Variants in DIAPH2 observed in about 807,000 individuals in gnomAD.
DIAPH2 encodes diaphanous related formin 2.
In DIAPH2, 35 loss-of-function variants were observed where a neutral mutation model predicts 92.7. The ratio of observed to expected loss-of-function variants is 0.38; its 90% CI spans 0.29 to 0.50. DIAPH2 has a LOEUF of 0.50. Ranked by LOEUF, DIAPH2 falls within the 20% of genes least tolerant of loss-of-function variation. The probability of loss-of-function intolerance (pLI) is 0.94; values close to 1 mark genes in which losing one functional copy is unlikely to be tolerated. For synonymous variants in DIAPH2, 301 were observed against 280.4 expected, an observed-to-expected ratio of 1.07 and a Z score of -0.73; for missense variants, 701 against 819.5, an observed-to-expected ratio of 0.86 and a Z score of 1.77.
intron 4 of DIAPH2, among the ~76,000 whole-genome samples, chrX:96,840,604 G>A (rs756013300): frequency 9.1e-6 from 1 of 110,147 alleles, no homozygotes; most frequent in African/African-American, 3.3e-5. Context: ...TTCATTTTGG[G>A]ATTTTTTTTT....
intron 19 of DIAPH2, among the ~76,000 whole-genome samples, chrX:97,082,129 C>A (rs931576616): frequency 9.2e-5 from 10 of 108,390 alleles, no homozygotes; most frequent in Non-Finnish European, 1.5e-4. Flanking sequence ...AAAAATTGAG[C>A]CTATTTACAT....
At chrX:96,933,580 A>G (rs1183704376) in intron 10 of DIAPH2, among the ~76,000 whole-genome samples, 1 of 103,717 alleles carries the variant, frequency 9.6e-6, no homozygotes, top group East Asian at 2.9e-4. Flanking sequence ...ATATATTTAT[A>G]TATTTTATAT....
intron 26 of DIAPH2, among the ~76,000 whole-genome samples, chrX:97,543,317 G>T (rs141556555): frequency 7.9e-4 from 88 of 111,716 alleles, no homozygotes; most frequent in African/African-American, 2.8e-3. Context: ...ATCATTACTT[G>T]TACTGCATTC....
At chrX:97,319,877 A>T (rs1431745188) in intron 23 of DIAPH2, among the ~76,000 whole-genome samples, 1 of 107,497 alleles carries the variant, frequency 9.3e-6, no homozygotes, top group South Asian at 4.3e-4. Context: ...AGGCAGGTGG[A>T]TCCCCTGAGG....
At chrX:97,470,315 C>T (rs1363716342) in intron 26 of DIAPH2, among the ~76,000 whole-genome samples, 1 of 111,238 alleles carries the variant, frequency 9.0e-6, no homozygotes, top group African/African-American at 3.3e-5. Flanking sequence ...CAGAAATACC[C>T]TGAGTGTTTT....
intron 24 of DIAPH2, among the ~76,000 whole-genome samples, chrX:97,381,628 T>C (rs2069550970): frequency 9.0e-6 from 1 of 111,697 alleles, no homozygotes; most frequent in Non-Finnish European, 1.9e-5. Flanking sequence ...GGCATCATAG[T>C]AGTGAAAATG....
chrX:97,157,332 AAT>A (rs1237656940), intron 22 of DIAPH2, among the ~76,000 whole-genome samples: 9,436 of 72,131 alleles, frequency 0.13, 710 homozygotes, highest in African/African-American at 0.25. Context: ...TAATAATAAT[AAT>A]ATAATAATAA....
intron 3 of DIAPH2, among the ~76,000 whole-genome samples, chrX:96,752,935 A>G (rs977669508): frequency 1.8e-5 from 2 of 111,824 alleles, no homozygotes; most frequent in Non-Finnish European, 3.8e-5. Context: ...TCTGAGGTGT[A>G]TAATCTTACA....
At chrX:96,960,236 A>G (rs945454786) in intron 16 of DIAPH2, among the ~76,000 whole-genome samples, 1 of 111,568 alleles carries the variant, frequency 9.0e-6, no homozygotes, top group African/African-American at 3.2e-5. Flanking sequence ...CCTTTATTCT[A>G]TGAGCATTGT....
chrX:97,485,633 T>A (rs917086102), intron 26 of DIAPH2, among the ~76,000 whole-genome samples: 4 of 113,131 alleles, frequency 3.5e-5, no homozygotes, highest in African/African-American at 1.3e-4. Context: ...ACTGCATTGA[T>A]GCATTTTTAC....
intron 4 of DIAPH2, among the ~76,000 whole-genome samples, chrX:96,763,912 A>T (rs1453322838): frequency 9.2e-6 from 1 of 109,240 alleles, no homozygotes; most frequent in Non-Finnish European, 1.9e-5. Flanking sequence ...AGAATAGTGG[A>T]TTTATTTGTT....
intron 10 of DIAPH2, among the ~76,000 whole-genome samples, chrX:96,933,574 ATT>A: frequency 9.8e-6 from 1 of 102,539 alleles, no homozygotes; most frequent in Non-Finnish European, 2.0e-5. Flanking sequence ...ATATATATAT[ATT>A]TATATATTTT....
At chrX:97,233,600 T>C (rs2068024975) in intron 22 of DIAPH2, among the ~76,000 whole-genome samples, 1 of 111,698 alleles carries the variant, frequency 9.0e-6, no homozygotes, top group Non-Finnish European at 1.9e-5. Context: ...AAAAGGAAGC[T>C]ATAAGATGGG....
intron 21 of DIAPH2, among the ~76,000 whole-genome samples, chrX:97,133,621 G>A (rs1172572377): frequency 8.9e-6 from 1 of 112,025 alleles, no homozygotes; most frequent in Non-Finnish European, 1.9e-5. Flanking sequence ...CTGCAACTGA[G>A]GTCAGGATTG....
Position 97,534,108 on chromosome X carries a change from A to AAAAAG in DIAPH2, c.3242-65142_3242-65141insAGAAA, listed in dbSNP as rs58788573. Among the ~76,000 whole-genome samples the AAAAAG allele has an allele frequency of 4.3e-4, 47 of 109,178 alleles. 1 individual carries two copies. Among genetic ancestry groups the AAAAAG allele is most frequent in the Non-Finnish European group, 5.9e-4 (31 of 52,579 alleles). The allele number at this position is 109,178 out of a possible 115,157, so 94.8% of individuals were successfully genotyped here. ...ACAAAATTTCAGTGTTGCTTAAAAA[A>AAAAAG]AAAGCATTTTTATTGACTTAAATGG... On this transcript the variant is annotated intron_variant, in intron 26 of 26. Transcript: ENST00000324765.
In DIAPH2 at chrX:97,603,270, G is replaced by A. The variant is rs1434341098; in HGVS notation, c.*3953G>A. 9.2e-6 allele frequency: 1 copy of A among 108,669 alleles called. No homozygotes were observed. The highest frequency in any genetic ancestry group is 2.9e-4 in the East Asian group (1 of 3,485). The allele number at this position is 108,669 out of a possible 1,213,427, so 9.0% of individuals were successfully genotyped here. A position where few individuals can be genotyped will look rare whatever the true frequency, so the allele number is the denominator to read the frequency against. On this transcript the variant is annotated 3_prime_UTR_variant, in exon 27 of 27. Coordinates refer to ENST00000324765, the MANE Select transcript of DIAPH2 (RefSeq NM_006729.5). ...TCTTTAAAAAAAAATTTTTTTTAAT[G>A]TATTAGAGATGAGGTCTCACTCTGT... is the stretch of plus-strand genomic sequence containing the variant.
At chrX:97,225,096 T>C (rs2067955076) in intron 22 of DIAPH2, among the ~76,000 whole-genome samples, 1 of 110,758 alleles carries the variant, frequency 9.0e-6, no homozygotes, top group Non-Finnish European at 1.9e-5. Context: ...TCTAATTAAA[T>C]ATTATGTGAA....
rs773766533 is a variant in DIAPH2 at position 97,303,691 on chromosome X, G to A, written c.2845-44425G>A. Among the ~76,000 whole-genome samples the A allele has an allele frequency of 2.7e-5, 3 of 112,041 alleles. No individual in the cohort carries two copies. The South Asian group carries it at 1.1e-3, about 41-fold the overall frequency. ...CATCTGTGGCAAATAAGTTGTGAAT[G>A]TGCTGGGTTAAACAAAGACAAACAG... On this transcript the variant is annotated intron_variant, in intron 23 of 26. Coordinates refer to ENST00000324765, the MANE Select transcript of DIAPH2 (RefSeq NM_006729.5).
intron 23 of DIAPH2, among the ~76,000 whole-genome samples, chrX:97,260,044 G>C (rs2068276709): frequency 8.9e-6 from 1 of 112,151 alleles, no homozygotes; most frequent in Admixed American, 9.5e-5. Flanking sequence ...AGGCCAGGCT[G>C]GTCTGGAACT....
Sources: gnomAD v4.1 joint callset for allele counts (sites outside exome capture counted in the v4.1 genomes callset) on GRCh38, gnomAD v4.1.1 for gene constraint, MANE v1.5 for transcripts, NCBI Gene and HGNC (gene_info 2026-07-23, HGNC 2026-07-21) for gene names.